The following BAZ2B variants were observed in gnomAD, a reference collection of about 807,000 sequenced individuals.
The protein encoded by BAZ2B is bromodomain adjacent to zinc finger domain 2B, also known as bromodomain adjacent to zinc finger domain protein 2B.
In BAZ2B, 91 loss-of-function variants were observed where a neutral mutation model predicts 246.0. The ratio of observed to expected loss-of-function variants is 0.37; its 90% confidence interval spans 0.31 to 0.44. The LOEUF is 0.44. Among genes scored for constraint, BAZ2B ranks in the 20% least tolerant of loss-of-function variants. The probability of loss-of-function intolerance (pLI) is 1.00; values close to 1 mark genes in which losing one functional copy is unlikely to be tolerated. For synonymous variants in BAZ2B, 855 were observed against 860.0 expected, an observed-to-expected ratio of 0.99 and a Z score of 0.10; for missense variants, 2,332 against 2,533.7, an observed-to-expected ratio of 0.92 and a Z score of 1.71.
At chr2:159,436,855 G>A (rs10187621) in intron 8 of BAZ2B, among the ~76,000 whole-genome samples, 1 of 152,016 alleles carries the variant, frequency 6.6e-6, no homozygotes, top group African/African-American at 2.4e-5. Flanking sequence ...GGATTTAAGT[G>A]ACATTTTCTT....
chr2:159,400,565 ATTACTT>A (rs2064833386), intron 17 of BAZ2B, 28 bp downstream of exon 17: 1 of 1,308,580 alleles, frequency 7.6e-7, no homozygotes. Flanking sequence ...ATATGGCTAA[ATTACTT>A]TAATTATATT....
rs2071035964 is a variant in BAZ2B at position 159,431,174 on chromosome 2, C to T, written c.1901-18G>A. ...ATCTGATTCTGGGAAGTAAAAGAAGCATTTGTATATTATAACTAGATAATC... is the reference window on the plus strand; with the variant it reads ...ATCTGATTCTGGGAAGTAAAAGAAGTATTTGTATATTATAACTAGATAATC... On this transcript the variant is annotated intron_variant, in intron 9 of 36. Coordinates refer to ENST00000392783, the MANE Select transcript of BAZ2B (RefSeq NM_013450.4). 1 of 1,588,884 alleles carries T rather than the reference C, an allele frequency of 6.3e-7. No homozygotes were observed. The highest frequency in any genetic ancestry group is 1.4e-5 in the African/African-American group (1 of 73,798).
At chr2:159,563,466 T>A (rs529131720) in intron 1 of BAZ2B, among the ~76,000 whole-genome samples, 2 of 152,266 alleles carry the variant, frequency 1.3e-5, no homozygotes, top group South Asian at 4.2e-4. Flanking sequence ...ATACATACAA[T>A]TAATTTATAG....
At chr2:159,679,599 T>C in the BAZ2B span, among the ~76,000 whole-genome samples, 1 of 152,216 alleles carries the variant, frequency 6.6e-6, no homozygotes. Context: ...TTACACAGAA[T>C]GTGATATGAA....
chr2:159,589,379 CAT>C lies in BAZ2B; in HGVS notation c.-46+26861_-46+26862del, dbSNP rs146024969. Among the ~76,000 whole-genome samples the C allele has an allele frequency of 7.3e-5, 11 of 151,118 alleles. No homozygotes were observed. In the East Asian group the frequency reaches 1.9e-3, roughly 27 times the overall value. On this transcript the variant is annotated intron_variant, in intron 1 of 36. Transcript: ENST00000392783. ...AAAAAGATTCCTTCCAAAAAAAAAA[CAT>C]AGATTAAACATAATACTAGTTAACA...
chr2:159,354,205 A>C (rs760401572), intron 27 of BAZ2B, among the ~76,000 whole-genome samples: 3 of 152,162 alleles, frequency 2.0e-5, no homozygotes, highest in Non-Finnish European at 2.9e-5. Flanking sequence ...AACAAATAAG[A>C]AACACACCTA....
rs1203920534 is a variant in BAZ2B, at chr2:159,319,885, A to C, written c.*380T>G. ...TAAAAAATAAACTACAAAGTAAAAA[A>C]ATGAAAAATAGATATTTATTGAGAG... is the stretch of plus-strand genomic sequence containing the variant. On this transcript the variant is annotated 3_prime_UTR_variant, in exon 37 of 37. Transcript: ENST00000392783. The surrounding 1 kb of genome is among the most constrained non-coding windows in gnomAD (Gnocchi z 4.0). The C allele has an allele frequency of 1.3e-5, 2 of 154,174 alleles. No homozygotes were observed. The highest frequency in any genetic ancestry group is 3.8e-4 in the East Asian group (2 of 5,264). The allele number at this position is 154,174 out of a possible 1,614,324, so 9.6% of individuals were successfully genotyped here.
chr2:159,542,969 A>AT (rs1283831869), intron 2 of BAZ2B, among the ~76,000 whole-genome samples: 1 of 152,178 alleles, frequency 6.6e-6, no homozygotes, highest in Non-Finnish European at 1.5e-5. Context: ...AACTTCACTG[A>AT]TTGCCATGTA....
intron 31 of BAZ2B, among the ~76,000 whole-genome samples, chr2:159,342,457 T>C (rs1054644984): frequency 3.3e-5 from 5 of 152,302 alleles, no homozygotes; most frequent in African/African-American, 1.2e-4. Flanking sequence ...ACCTAATTTT[T>C]GTATTTTTTG....
chr2:159,392,429 T>C (rs182051973), intron 20 of BAZ2B, among the ~76,000 whole-genome samples: 35 of 152,282 alleles, frequency 2.3e-4, no homozygotes, highest in Admixed American at 1.6e-3. Flanking sequence ...TAACTTATTA[T>C]AGCATTTGTT....
At chr2:159,399,228 T>C (rs910543803) in intron 17 of BAZ2B, among the ~76,000 whole-genome samples, 6 of 152,200 alleles carry the variant, frequency 3.9e-5, no homozygotes, top group Admixed American at 6.5e-5. Context: ...TTATGTCACA[T>C]TGTTTTTCTG....
At chr2:159,377,673 C>A (rs532125910) in intron 25 of BAZ2B, among the ~76,000 whole-genome samples, 10 of 151,630 alleles carry the variant, frequency 6.6e-5, no homozygotes, top group African/African-American at 2.4e-4. Context: ...ATTAGCTGGG[C>A]GTGGTGGCAG....
chr2:159,433,342 G>A lies in BAZ2B; in HGVS notation c.1315C>T (p.Pro439Ser). The change falls in exon 9 of 37, where the codon CCA (proline) becomes TCA (serine). Residue 439 changes from proline (P) to serine (S), a missense_variant. Pro to Ser is a moderately conservative substitution (Grantham distance 74). Coordinates refer to ENST00000392783, the MANE Select transcript of BAZ2B (RefSeq NM_013450.4). ...GACTCTTGTTTCTTTAACTGTGATG[G>A]GAATGCCTGTTTATATTGTTCCTGT... ...SKREQYKQAF[P>S]SQLKKQESSK... is the part of the protein sequence containing the mutation. 9 of 1,612,518 alleles carry A rather than the reference G, an allele frequency of 5.6e-6. No homozygotes were observed. The highest frequency in any genetic ancestry group is 6.8e-6 in the Non-Finnish European group (8 of 1,179,540).
At position 159,432,944 on chromosome 2, in the gene BAZ2B, A is replaced by C. The variant is rs749361810; in HGVS notation, c.1713T>G (p.Asn571Lys). The C allele has an allele frequency of 3.7e-6, 6 of 1,614,110 alleles. No homozygotes were observed. Residue 571 changes from asparagine (N) to lysine (K), a missense_variant, in exon 9 of 37, where the codon AAT becomes AAG. By Grantham distance (94) the Asn-to-Lys change is moderately conservative. Transcript: ENST00000392783. ...GATGCTGTGTTTTTACTGGGTTTACATTATTGCTAACTGCTTTTTCCTTCC... is the reference window on the plus strand; with the variant it reads ...GATGCTGTGTTTTTACTGGGTTTACCTTATTGCTAACTGCTTTTTCCTTCC... ...SQGKEKAVSN[N>K]VNPVKTQHHS...
At chr2:159,348,864 C>G (rs761649629) in intron 29 of BAZ2B, 31 bp from the exon 30 acceptor site, 2 of 1,572,972 alleles carry the variant, frequency 1.3e-6, no homozygotes, top group Admixed American at 4.1e-5. Context: ...AGAACTTTTA[C>G]AAATATTTTG....
chr2:159,397,177 A>T (rs2064151339), intron 19 of BAZ2B, 168 bp downstream of exon 19: 4 of 1,379,710 alleles, frequency 2.9e-6, no homozygotes, highest in Non-Finnish European at 4.0e-6. Context: ...CCCCCCAAAA[A>T]GACACCAATA....
At chr2:159,419,286 AT>A (rs1239343030) in intron 13 of BAZ2B, among the ~76,000 whole-genome samples, 1 of 152,216 alleles carries the variant, frequency 6.6e-6, no homozygotes, top group Admixed American at 6.5e-5. Context: ...AACTAAAAAA[AT>A]TCTTCGGGAA....
At chr2:159,660,655 G>A in the BAZ2B span, among the ~76,000 whole-genome samples, 64 of 152,122 alleles carry the variant, frequency 4.2e-4, no homozygotes, top group East Asian at 9.5e-3. Context: ...TGTTGCCCAG[G>A]CTGGCACAAT....
intron 27 of BAZ2B, among the ~76,000 whole-genome samples, chr2:159,359,455 C>G (rs998335583): frequency 6.6e-6 from 1 of 152,112 alleles, no homozygotes; most frequent in Non-Finnish European, 1.5e-5. Flanking sequence ...GAAACTGAGG[C>G]AATAATTAAT....
Sources: gnomAD v4.1 joint callset for allele counts (sites outside exome capture counted in the v4.1 genomes callset) on GRCh38, gnomAD v4.1.1 for gene constraint, Gnocchi (gnomAD v3.1) non-coding constraint, MANE v1.5 for transcripts, NCBI Gene and HGNC (gene_info 2026-07-23, HGNC 2026-07-21) for gene names.